The following CFAP95 variants were observed in gnomAD, a reference collection of about 807,000 sequenced individuals.
CFAP95 encodes cilia- and flagella-associated protein 95.
the CFAP95 span, among the ~76,000 whole-genome samples, chr9:69,850,740 T>C: frequency 6.6e-6 from 1 of 152,184 alleles, no homozygotes; most frequent in Non-Finnish European, 1.5e-5. Context: ...TGTTTGGGGA[T>C]AGTAGGCTGT....
the CFAP95 span, among the ~76,000 whole-genome samples, chr9:69,822,502 C>G: frequency 2.0e-5 from 3 of 152,226 alleles, no homozygotes; most frequent in African/African-American, 2.4e-5. Context: ...CTTTTAGCCT[C>G]ATATAGGGCT....
the CFAP95 span, among the ~76,000 whole-genome samples, chr9:69,856,901 C>T: frequency 1.1e-4 from 16 of 147,226 alleles, no homozygotes; most frequent in African/African-American, 3.8e-4. Context: ...AGCTAAAATG[C>T]CATTTCCTCT....
chr9:69,885,739 C>T, the CFAP95 span, among the ~76,000 whole-genome samples: 7,513 of 152,150 alleles, frequency 0.049, 266 homozygotes, highest in Middle Eastern at 0.12. Context: ...TATTCTTCAG[C>T]GGTCACCTGG....
the CFAP95 span, among the ~76,000 whole-genome samples, chr9:69,855,328 A>G: frequency 2.0e-5 from 3 of 152,234 alleles, no homozygotes; most frequent in Non-Finnish European, 2.9e-5. Context: ...ATCAGAGCAT[A>G]TCTAAGCTTA....
At chr9:69,856,453 C>A in the CFAP95 span, 1 of 598,482 alleles carries the variant, frequency 1.7e-6, no homozygotes, top group Non-Finnish European at 2.9e-6. Context: ...CAACTAGAGT[C>A]AACAATTAAA....
At chr9:69,858,417 C>T in the CFAP95 span, among the ~76,000 whole-genome samples, 3 of 152,152 alleles carry the variant, frequency 2.0e-5, no homozygotes, top group Non-Finnish European at 2.9e-5. Flanking sequence ...TTCAGTGACA[C>T]GTTTTTCTAA....
chr9:69,852,404 C>G, the CFAP95 span, among the ~76,000 whole-genome samples: 1 of 152,130 alleles, frequency 6.6e-6, no homozygotes, highest in Non-Finnish European at 1.5e-5. Context: ...GATTTAAAAA[C>G]AAACAAAAAT....
the CFAP95 span, among the ~76,000 whole-genome samples, chr9:69,873,058 C>G: frequency 6.6e-6 from 1 of 152,118 alleles, no homozygotes; most frequent in Non-Finnish European, 1.5e-5. Flanking sequence ...GTGTAGGTGG[C>G]TATGGGTGTC....
At chr9:69,886,673 G>T in the CFAP95 span, among the ~76,000 whole-genome samples, 1 of 152,082 alleles carries the variant, frequency 6.6e-6, no homozygotes, top group Admixed American at 6.6e-5. Context: ...GCTGCTGGTG[G>T]GCAATACTAT....
the CFAP95 span, among the ~76,000 whole-genome samples, chr9:69,850,979 T>C: frequency 6.6e-6 from 1 of 152,210 alleles, no homozygotes; most frequent in East Asian, 1.9e-4. Context: ...GCAAATATCT[T>C]CTCTGTCATT....
the CFAP95 span, among the ~76,000 whole-genome samples, chr9:69,847,313 G>A: frequency 6.6e-6 from 1 of 152,154 alleles, no homozygotes; most frequent in Non-Finnish European, 1.5e-5. Flanking sequence ...GTTCAGGCAG[G>A]TATCATGCAT....
chr9:69,902,289 C>T, the CFAP95 span: 1 of 452,612 alleles, frequency 2.2e-6, no homozygotes, highest in Non-Finnish European at 4.4e-6. Flanking sequence ...CATTTCAACT[C>T]TTCTCTAAGC....
At chr9:69,890,317 T>A in the CFAP95 span, among the ~76,000 whole-genome samples, 1 of 152,212 alleles carries the variant, frequency 6.6e-6, no homozygotes, top group African/African-American at 2.4e-5. Flanking sequence ...GTTATTTGTT[T>A]CCACATTAAC....
chr9:69,821,775 A>T, the CFAP95 span, among the ~76,000 whole-genome samples: 1 of 151,394 alleles, frequency 6.6e-6, no homozygotes, highest in Non-Finnish European at 1.5e-5. Context: ...AGTTGGCCAC[A>T]TTTAAAACTA....
At chr9:69,850,609 C>T in the CFAP95 span, among the ~76,000 whole-genome samples, 1 of 152,024 alleles carries the variant, frequency 6.6e-6, no homozygotes, top group Non-Finnish European at 1.5e-5. Flanking sequence ...GTATTTTGAC[C>T]AGTATAATCT....
At chr9:69,833,987 A>C in the CFAP95 span, among the ~76,000 whole-genome samples, 1 of 152,212 alleles carries the variant, frequency 6.6e-6, no homozygotes, top group Non-Finnish European at 1.5e-5. Context: ...AATAGATCTT[A>C]AGGTGACATA....
chr9:69,869,835 A>G, the CFAP95 span, among the ~76,000 whole-genome samples: 1 of 152,192 alleles, frequency 6.6e-6, no homozygotes, highest in East Asian at 1.9e-4. Context: ...AATCCCATGT[A>G]TATTAATAAA....
At chr9:69,871,767 G>C in the CFAP95 span, among the ~76,000 whole-genome samples, 1 of 152,132 alleles carries the variant, frequency 6.6e-6, no homozygotes, top group Non-Finnish European at 1.5e-5. Flanking sequence ...TGGAGCACAA[G>C]AGAGATTACT....
At chr9:69,848,066 C>A in the CFAP95 span, among the ~76,000 whole-genome samples, 2 of 152,120 alleles carry the variant, frequency 1.3e-5, no homozygotes, top group Admixed American at 6.5e-5. Flanking sequence ...TTTGATAGTA[C>A]AGAAAGGATT....
Sources: allele counts gnomAD v4.1 joint callset (sites outside exome capture counted in the v4.1 genomes callset), GRCh38; gene constraint gnomAD v4.1.1; transcripts MANE v1.5; gene names NCBI Gene and HGNC (gene_info 2026-07-23, HGNC 2026-07-21).